USP9X: variants seen among roughly 807,000 people sequenced by gnomAD.
USP9X encodes ubiquitin specific peptidase 9 X-linked.
In USP9X, 7 loss-of-function variants were observed where a neutral mutation model predicts 190.3. The observed-to-expected ratio is 0.04, with a 90% confidence interval of 0.02 to 0.07. The LOEUF (loss-of-function observed/expected upper bound fraction) is 0.07. Among genes scored for constraint, USP9X ranks in the 10% least tolerant of loss-of-function variants. The pLI, the probability that USP9X is intolerant of heterozygous loss-of-function variation, is 1.00. For synonymous variants in USP9X, 645 were observed against 659.5 expected (o/e 0.98, Z 0.34); for missense variants, 1,010 against 1,916.9 (o/e 0.53, Z 8.83).
At chrX:41,110,882 C>T (rs1295999143) in intron 1 of USP9X, among the ~76,000 whole-genome samples, 4 of 111,154 alleles carry the variant, frequency 3.6e-5, no homozygotes, top group African/African-American at 9.8e-5. Flanking sequence ...ATATACTGAA[C>T]GATTGGTATG....
intron 22 of USP9X, 120 bp downstream of exon 22, chrX:41,184,248 T>C: frequency 1.0e-6 from 1 of 999,976 alleles, no homozygotes; most frequent in Non-Finnish European, 1.3e-6. Context: ...AAAATTGTAA[T>C]GAAGTAGTTT....
intron 1 of USP9X, among the ~76,000 whole-genome samples, chrX:41,106,407 T>G (rs1053469905): frequency 9.0e-6 from 1 of 111,463 alleles, no homozygotes; most frequent in African/African-American, 3.3e-5. Flanking sequence ...GAAAGAAATA[T>G]GCAGTCATAC....
intron 14 of USP9X, among the ~76,000 whole-genome samples, chrX:41,160,871 A>T (rs2147100711): frequency 8.9e-6 from 1 of 112,213 alleles, no homozygotes; most frequent in East Asian, 2.8e-4. Context: ...AAAAGATGTA[A>T]AAGGACGTTA....
chrX:41,086,933 G>T (rs1439041347), intron 1 of USP9X, among the ~76,000 whole-genome samples: 1 of 112,829 alleles, frequency 8.9e-6, no homozygotes, highest in African/African-American at 3.2e-5. Flanking sequence ...TGTGAAATAA[G>T]TTAAAGAGTT....
intron 20 of USP9X, among the ~76,000 whole-genome samples, 199 bp downstream of exon 20, chrX:41,170,818 C>T (rs1235228453): frequency 9.0e-6 from 1 of 111,465 alleles, no homozygotes; most frequent in Non-Finnish European, 1.9e-5. Context: ...ACATAATTTC[C>T]CCATAGGTAT....
In USP9X at chrX:41,168,207, C is replaced by T; in HGVS notation, c.2625C>T (p.Leu875=). The T allele has an allele frequency of 8.4e-7, 1 of 1,196,099 alleles. No individual in the cohort carries two copies. Among genetic ancestry groups the T allele is most frequent in the Non-Finnish European group, 1.1e-6 (1 of 886,562 alleles). Residue 875 remains leucine (L), a synonymous_variant, in exon 18 of 45, where the codon CTC becomes CTT. Transcript: ENST00000378308. ...ATTATCATGAGGAAAGAACAATTCTCCCTATGTCGAGGTTTGTGAATAACT... is the reference window on the plus strand; with the variant it reads ...ATTATCATGAGGAAAGAACAATTCTTCCTATGTCGAGGTTTGTGAATAACT... ...DSDYHEERTI[L]PMSRAFRGKH...
chrX:41,093,233 T>C (rs2061966536), intron 1 of USP9X, among the ~76,000 whole-genome samples: 1 of 112,193 alleles, frequency 8.9e-6, no homozygotes, highest in Non-Finnish European at 1.9e-5. Context: ...TTCAAACTTC[T>C]GTACATTAGC....
intron 1 of USP9X, among the ~76,000 whole-genome samples, chrX:41,093,247 T>G (rs764142817): frequency 8.9e-6 from 1 of 112,489 alleles, no homozygotes; most frequent in African/African-American, 3.2e-5. Flanking sequence ...CATTAGCTGA[T>G]GAAAGGGATT....
rs766348288 is a variant in USP9X at position 41,148,715 on chromosome X, T to G, written c.1626+140T>G. 90 of 577,313 alleles carry G rather than the reference T, an allele frequency of 1.6e-4. No individual in the cohort carries two copies. The East Asian group carries it at 2.8e-3, about 18-fold the overall frequency. The allele number at this position is 577,313 out of a possible 1,213,427, so 47.6% of individuals were successfully genotyped here. The stretch of plus-strand genomic sequence containing the variant: ...AGTTGACTTTTTTTGTTCATTAGTC[T>G]GCTTTCCTTAGGATCTGTACATCAA... On this transcript the variant is annotated intron_variant, in intron 12 of 44. Coordinates refer to ENST00000378308, the MANE Select transcript of USP9X (RefSeq NM_001039591.3).
intron 32 of USP9X, among the ~76,000 whole-genome samples, chrX:41,208,718 G>GT (rs1330771727): frequency 1.2e-4 from 13 of 108,449 alleles, no homozygotes; most frequent in African/African-American, 3.7e-4. Context: ...TTTGTTTTTT[G>GT]TTTTTTTGAG....
intron 11 of USP9X, among the ~76,000 whole-genome samples, chrX:41,147,043 G>A (rs950441528): frequency 6.3e-5 from 7 of 111,442 alleles, no homozygotes; most frequent in Non-Finnish European, 1.1e-4. Flanking sequence ...GGATCCTGGT[G>A]CAGTCCATGT....
intron 33 of USP9X, among the ~76,000 whole-genome samples, chrX:41,212,471 A>AT (rs1321831635): frequency 9.3e-6 from 1 of 107,829 alleles, no homozygotes; most frequent in African/African-American, 3.4e-5. Flanking sequence ...AAAAAAAAAA[A>AT]AAAAGCCTAA....
intron 34 of USP9X, 152 bp from the exon 35 acceptor site, chrX:41,215,747 A>ATC: frequency 1.9e-6 from 1 of 530,502 alleles, no homozygotes; most frequent in Non-Finnish European, 3.0e-6. Flanking sequence ...ATCAGCTGAT[A>ATC]GGATTATCTT....
rs1362848918 is a variant in USP9X, at chrX:41,216,567, T to G, written c.6000T>G (p.His2000Gln). Reference sequence around the variant, plus strand: ...GGAAACAGAACGTACAATTCATGCATAACCGAATGCAGTACAGTATGGAGT... The same window carrying G: ...GGAAACAGAACGTACAATTCATGCAGAACCGAATGCAGTACAGTATGGAGT... ...SVRKQNVQFM[H>Q]NRMQYSMEYF... The change falls in exon 35 of 45, where the codon CAT (histidine) becomes CAG (glutamine). Residue 2000 changes from histidine (H) to glutamine (Q), a missense_variant. This residue lies in a region of USP9X where 121 missense variants were observed against 281.2 expected (regional missense o/e 0.43). Transcript: ENST00000378308. 8.3e-7 allele frequency: 1 copy of G among 1,209,474 alleles called. No individual in the cohort carries two copies. The highest frequency in any genetic ancestry group is 1.1e-6 in the Non-Finnish European group (1 of 895,082).
chrX:41,094,306 A>G (rs2061974429), intron 1 of USP9X, among the ~76,000 whole-genome samples: 1 of 109,039 alleles, frequency 9.2e-6, no homozygotes, highest in South Asian at 4.0e-4. Context: ...CCTCCTGAGT[A>G]GCTGGGATTA....
chrX:41,086,959 A>T (rs755539007), intron 1 of USP9X, among the ~76,000 whole-genome samples: 1 of 112,817 alleles, frequency 8.9e-6, no homozygotes, highest in East Asian at 2.8e-4. Flanking sequence ...GCAGGTGTGT[A>T]GATGGCTTCT....
chrX:41,186,184 C>T (rs1247688804), intron 23 of USP9X, among the ~76,000 whole-genome samples: 1 of 110,612 alleles, frequency 9.0e-6, no homozygotes, highest in Non-Finnish European at 1.9e-5. Flanking sequence ...AAGGCATGTA[C>T]ATAAAAGATG....
chrX:41,126,112 A>G (rs1399089546), intron 2 of USP9X, among the ~76,000 whole-genome samples: 1 of 111,962 alleles, frequency 8.9e-6, no homozygotes, highest in Non-Finnish European at 1.9e-5. Context: ...TTCTATCGTA[A>G]GTAGTATAGA....
Position 41,218,555 on chromosome X carries a change from G to A in USP9X, c.6393G>A (p.Gly2131=), listed in dbSNP as rs377180267. The change falls in exon 37 of 45, where the codon GGG becomes GGA. Residue 2131 remains glycine (G), a synonymous_variant. Coordinates refer to ENST00000378308, the MANE Select transcript of USP9X (RefSeq NM_001039591.3). ...TTGCACATTTTTCCTTGCAAGATGG[G>A]CCATGTCCTTCACCTTTTGCCTCTC... The part of the protein sequence containing the change: ...VFIAHFSLQD[G]PCPSPFASPG... The A allele has an allele frequency of 2.1e-5, 26 of 1,209,717 alleles. No individual in the cohort carries two copies. The highest frequency in any genetic ancestry group is 2.6e-5 in the Non-Finnish European group (23 of 895,213).
Sources: allele counts gnomAD v4.1 joint callset (sites outside exome capture counted in the v4.1 genomes callset), GRCh38; gene constraint gnomAD v4.1.1; regional missense constraint gnomAD v4.1.1; transcripts MANE v1.5; gene names NCBI Gene and HGNC (gene_info 2026-07-23, HGNC 2026-07-21).